The following FGF14 variants were observed in gnomAD, a reference collection of about 807,000 sequenced individuals.
FGF14 encodes fibroblast growth factor 14, also known as fibroblast growth factor homologous factor 4.
In FGF14, 5 loss-of-function variants were observed where a neutral mutation model predicts 25.5. The ratio of observed to expected loss-of-function variants is 0.20; its 90% CI spans 0.10 to 0.41. The LOEUF (loss-of-function observed/expected upper bound fraction) is 0.41, where lower values mean the gene tolerates loss of function less well. Ranked by LOEUF, FGF14 falls within the 10% of genes least tolerant of loss-of-function variation. The pLI, the probability that FGF14 is intolerant of heterozygous loss-of-function variation, is 1.00. For synonymous variants in FGF14, 138 were observed against 118.3 expected (o/e 1.17, Z -1.08); for missense variants, 222 against 320.1 (o/e 0.69, Z 2.34).
At chr13:101,843,840 G>A (rs1202528042) in intron 3 of FGF14, among the ~76,000 whole-genome samples, 1 of 151,952 alleles carries the variant, frequency 6.6e-6, no homozygotes, top group Non-Finnish European at 1.5e-5. Context: ...CATGTAAAGA[G>A]AGCTCTGTCA....
intron 1 of FGF14, among the ~76,000 whole-genome samples, chr13:102,331,774 C>T (rs752589223): frequency 6.6e-5 from 10 of 152,108 alleles, no homozygotes; most frequent in Non-Finnish European, 1.2e-4. Context: ...ATAAAAGTTT[C>T]GAATTGGTAG....
chr13:102,331,055 T>C (rs2056619666), intron 1 of FGF14, among the ~76,000 whole-genome samples: 1 of 152,218 alleles, frequency 6.6e-6, no homozygotes, highest in African/African-American at 2.4e-5. Flanking sequence ...GACGTGTCAT[T>C]GAACCTCACT....
At chr13:102,031,962 T>C (rs1221682612) in intron 1 of FGF14, among the ~76,000 whole-genome samples, 1 of 152,130 alleles carries the variant, frequency 6.6e-6, no homozygotes, top group East Asian at 1.9e-4. Context: ...TTTTCTAACA[T>C]TACAAATCTG....
At chr13:101,868,415 A>G (rs1464761274) in intron 3 of FGF14, 2 of 241,190 alleles carry the variant, frequency 8.3e-6, no homozygotes, top group Admixed American at 5.0e-5. Context: ...TAAAAACATT[A>G]TAAGAAACTC....
At chr13:102,375,447 G>A (rs2058017148) in intron 1 of FGF14, among the ~76,000 whole-genome samples, 1 of 152,096 alleles carries the variant, frequency 6.6e-6, no homozygotes, top group Non-Finnish European at 1.5e-5. Context: ...TTAATGACTG[G>A]AAATCAACTC....
chr13:101,794,186 T>C (rs1464285422), intron 3 of FGF14, among the ~76,000 whole-genome samples: 1 of 121,190 alleles, frequency 8.3e-6, no homozygotes, highest in East Asian at 2.0e-4. Flanking sequence ...TTGCTCACTG[T>C]CTCTCTCCCC....
rs536839204 is a variant in FGF14 at position 101,779,701 on chromosome 13, C to G, written c.409-52891G>C. The stretch of plus-strand genomic sequence containing the variant: ...TTAAACTATTGATCTGAATATTGCA[C>G]TGAACACTATCATTATTATCTTAAT... On this transcript the variant is annotated intron_variant, in intron 3 of 4. Transcript: ENST00000376143. Among the ~76,000 whole-genome samples, 28 of 152,130 alleles carry G rather than the reference C, an allele frequency of 1.8e-4. 1 individual carries two copies. The highest frequency in any genetic ancestry group is 3.5e-4 in the Non-Finnish European group (24 of 68,040).
At chr13:102,123,364 A>C (rs1170862578) in intron 1 of FGF14, among the ~76,000 whole-genome samples, 1 of 152,198 alleles carries the variant, frequency 6.6e-6, no homozygotes, top group Non-Finnish European at 1.5e-5. Context: ...TAAGTTAGAA[A>C]ATGAAGTTTT....
At chr13:101,815,991 G>T (rs1594353047) in intron 3 of FGF14, among the ~76,000 whole-genome samples, 1 of 136,410 alleles carries the variant, frequency 7.3e-6, no homozygotes, top group South Asian at 2.5e-4. Flanking sequence ...AGTTGGCTTG[G>T]CCGGGCGCGG....
chr13:101,746,626 C>A (rs1361859207), intron 3 of FGF14, among the ~76,000 whole-genome samples: 1 of 151,906 alleles, frequency 6.6e-6, no homozygotes, highest in East Asian at 1.9e-4. Flanking sequence ...GCGAGAAGGG[C>A]AAACTGCATA....
At chr13:101,742,216 G>T (rs2036599776) in intron 3 of FGF14, among the ~76,000 whole-genome samples, 1 of 152,138 alleles carries the variant, frequency 6.6e-6, no homozygotes, top group South Asian at 2.1e-4. Flanking sequence ...CCTGATGCAT[G>T]CAGGGCTTAA....
chr13:101,762,623 C>G (rs2038101999), intron 3 of FGF14, among the ~76,000 whole-genome samples: 1 of 152,116 alleles, frequency 6.6e-6, no homozygotes, highest in Non-Finnish European at 1.5e-5. Context: ...TATGGCAAAA[C>G]CAAAATAGCT....
intron 3 of FGF14, among the ~76,000 whole-genome samples, chr13:101,803,029 CAGA>C (rs1371264995): frequency 2.6e-5 from 4 of 151,992 alleles, no homozygotes; most frequent in Non-Finnish European, 5.9e-5. Context: ...TGTATATAGT[CAGA>C]TAGCATTCTG....
intron 1 of FGF14, among the ~76,000 whole-genome samples, chr13:102,252,751 T>C (rs137960709): frequency 0.015 from 2,259 of 152,172 alleles, 60 homozygotes; most frequent in African/African-American, 0.051. Flanking sequence ...ACACGTGCCA[T>C]GGTGGTTTGC....
At chr13:102,246,093 C>A (rs1273542451) in intron 1 of FGF14, among the ~76,000 whole-genome samples, 1 of 151,964 alleles carries the variant, frequency 6.6e-6, no homozygotes, top group Non-Finnish European at 1.5e-5. Flanking sequence ...AGAAGTGAAG[C>A]ACAGAAAGTT....
At chr13:102,054,201 A>T (rs1566625534) in intron 1 of FGF14, among the ~76,000 whole-genome samples, 2 of 152,224 alleles carry the variant, frequency 1.3e-5, no homozygotes, top group Non-Finnish European at 2.9e-5. Flanking sequence ...CTTAAGAAAT[A>T]TTATGAGAAA....
At chr13:101,851,566 C>G (rs906692638) in intron 3 of FGF14, among the ~76,000 whole-genome samples, 1 of 152,058 alleles carries the variant, frequency 6.6e-6, no homozygotes, top group East Asian at 1.9e-4. Context: ...TAATATTCTA[C>G]TGCAATGGAT....
In FGF14 at chr13:101,714,521, T is replaced by C; in HGVS notation, c.*8310A>G. 6.2e-7 allele frequency: 1 copy of C among 1,609,316 alleles called. No individual in the cohort carries two copies. Among genetic ancestry groups the C allele is most frequent in the Middle Eastern group, 1.7e-4 (1 of 6,050 alleles). On this transcript the variant is annotated 3_prime_UTR_variant, in exon 5 of 5. Transcript: ENST00000376143. Reference sequence around the variant, plus strand: ...GTTCTGTGACTGTGATGACAGAGACTGCGACAAACATGATGGTCTCATTTG... The same window carrying C: ...GTTCTGTGACTGTGATGACAGAGACCGCGACAAACATGATGGTCTCATTTG...
intron 3 of FGF14, among the ~76,000 whole-genome samples, chr13:101,805,601 A>C (rs2041151178): frequency 6.6e-6 from 1 of 152,202 alleles, no homozygotes; most frequent in Admixed American, 6.5e-5. Context: ...ATTTGTATGC[A>C]AGCAATAGCT....
Sources: allele counts gnomAD v4.1 joint callset (sites outside exome capture counted in the v4.1 genomes callset), GRCh38; gene constraint gnomAD v4.1.1; transcripts MANE v1.5; gene names NCBI Gene and HGNC (gene_info 2026-07-23, HGNC 2026-07-21).